The following CNTNAP2 variants were observed in gnomAD, a reference collection of about 807,000 sequenced individuals.
CNTNAP2 encodes contactin associated protein 2.
In CNTNAP2, 98 loss-of-function variants were observed where a neutral mutation model predicts 155.2. The observed-to-expected ratio is 0.63, with a 90% CI of 0.54 to 0.75. The LOEUF (loss-of-function observed/expected upper bound fraction) is 0.75, where lower values mean the gene tolerates loss of function less well. Among genes scored for constraint, CNTNAP2 ranks in the 30% least tolerant of loss-of-function variants. The pLI, the probability that CNTNAP2 is intolerant of heterozygous loss-of-function variation, is 0.00. For missense variants in CNTNAP2, 1,727 were observed against 1,688.1 expected, an observed-to-expected ratio of 1.02 and a Z score of -0.40; for synonymous variants, 651 against 631.2, an observed-to-expected ratio of 1.03 and a Z score of -0.47.
At chr7:147,339,914 G>A (rs1795731665) in intron 9 of CNTNAP2, among the ~76,000 whole-genome samples, 1 of 152,136 alleles carries the variant, frequency 6.6e-6, no homozygotes, top group African/African-American at 2.4e-5. Context: ...AGCTTAGCTT[G>A]GAAGCTCTTG....
chr7:147,083,539 T>TAC (rs1554435209), intron 4 of CNTNAP2, among the ~76,000 whole-genome samples: 10 of 30,462 alleles, frequency 3.3e-4, no homozygotes, highest in East Asian at 3.2e-3. Flanking sequence ...TATATATACA[T>TAC]ATATATATAT....
At chr7:147,303,423 C>G (rs1794977861) in intron 9 of CNTNAP2, among the ~76,000 whole-genome samples, 1 of 152,214 alleles carries the variant, frequency 6.6e-6, no homozygotes, top group Non-Finnish European at 1.5e-5. Flanking sequence ...CTTGACACCT[C>G]TTACTTGTGG....
intron 4 of CNTNAP2, among the ~76,000 whole-genome samples, chr7:147,064,277 T>A (rs1396009309): frequency 6.6e-6 from 1 of 152,216 alleles, no homozygotes; most frequent in African/African-American, 2.4e-5. Flanking sequence ...TTAATTGATA[T>A]ATCAGAATTC....
At chr7:148,288,313 C>G (rs992122340) in intron 21 of CNTNAP2, among the ~76,000 whole-genome samples, 1 of 149,604 alleles carries the variant, frequency 6.7e-6, no homozygotes, top group African/African-American at 2.5e-5. Flanking sequence ...GTTGGCCAAG[C>G]TGGTCTCAAA....
At position 146,672,388 on chromosome 7, in the gene CNTNAP2, G is replaced by C. The variant is rs568018865; in HGVS notation, c.98-101883G>C. Among the ~76,000 whole-genome samples the C allele has an allele frequency of 6.6e-5, 10 of 152,272 alleles. No individual in the cohort carries two copies. The East Asian group carries it at 1.7e-3, about 26-fold the overall frequency. The stretch of plus-strand genomic sequence containing the variant: ...CATGTTATCTGTGAACAAAGACACA[G>C]CTCCAAGGGTGAGAACGGGAGCTTT... On this transcript the variant is annotated intron_variant, in intron 1 of 23. Transcript: ENST00000361727.
intron 14 of CNTNAP2, among the ~76,000 whole-genome samples, chr7:147,949,440 G>GTATATATATATATGTATA (rs1554453476): frequency 7.9e-6 from 1 of 127,366 alleles, no homozygotes; most frequent in Non-Finnish European, 1.7e-5. Context: ...TCAACTGTGT[G>GTATATATATATATGTATA]TATATATATA....
At chr7:148,277,634 G>C in intron 21 of CNTNAP2, among the ~76,000 whole-genome samples, 1 of 139,276 alleles carries the variant, frequency 7.2e-6, no homozygotes, top group East Asian at 2.2e-4. Context: ...TCTCCCCAGA[G>C]CCCCAGACTG....
At chr7:146,356,551 C>T (rs1044012581) in intron 1 of CNTNAP2, among the ~76,000 whole-genome samples, 1 of 152,112 alleles carries the variant, frequency 6.6e-6, no homozygotes, top group African/African-American at 2.4e-5. Context: ...AATCAATAAG[C>T]TAATGAACAT....
chr7:147,601,653 AT>A (rs1554410027), intron 12 of CNTNAP2, among the ~76,000 whole-genome samples: 4 of 77,210 alleles, frequency 5.2e-5, no homozygotes, highest in Non-Finnish European at 1.1e-4. Flanking sequence ...AAATATATAT[AT>A]ATATATATAT....
intron 1 of CNTNAP2, among the ~76,000 whole-genome samples, chr7:146,224,348 A>G (rs1486784667): frequency 6.6e-6 from 1 of 152,044 alleles, no homozygotes; most frequent in Non-Finnish European, 1.5e-5. Flanking sequence ...ATTGTAATAC[A>G]ATAGCGATTA....
chr7:146,466,767 A>C (rs1330456162), intron 1 of CNTNAP2, among the ~76,000 whole-genome samples: 7 of 152,344 alleles, frequency 4.6e-5, no homozygotes, highest in Middle Eastern at 6.8e-3. Context: ...TCTTCTGATC[A>C]GACCAATTGT....
chr7:146,750,533 A>G (rs1801885283), intron 1 of CNTNAP2, among the ~76,000 whole-genome samples: 1 of 152,130 alleles, frequency 6.6e-6, no homozygotes, highest in African/African-American at 2.4e-5. Flanking sequence ...TCCTTTAATA[A>G]AGATCAGATG....
chr7:147,750,719 T>A (rs1226770313), intron 13 of CNTNAP2, among the ~76,000 whole-genome samples: 1 of 152,202 alleles, frequency 6.6e-6, no homozygotes, highest in Non-Finnish European at 1.5e-5. Flanking sequence ...GAACCAGCAA[T>A]GAGCTTAGGC....
chr7:148,391,901 G>C (rs1441903567), intron 22 of CNTNAP2, among the ~76,000 whole-genome samples: 1 of 152,226 alleles, frequency 6.6e-6, no homozygotes, highest in Non-Finnish European at 1.5e-5. Context: ...AAAGGCGTTT[G>C]TGTTAAGCCT....
intron 1 of CNTNAP2, among the ~76,000 whole-genome samples, chr7:146,251,156 A>G (rs1270383819): frequency 6.6e-6 from 1 of 152,218 alleles, no homozygotes; most frequent in Non-Finnish European, 1.5e-5. Flanking sequence ...CACAAAACAT[A>G]ATCTTACACA....
chr7:147,984,641 GTCACTGAAAAACCAAC>G (rs1166022486), intron 15 of CNTNAP2, among the ~76,000 whole-genome samples: 1 of 151,986 alleles, frequency 6.6e-6, no homozygotes, highest in Non-Finnish European at 1.5e-5. Context: ...CCTGTGAAGG[GTCACTGAAAAACCAAC>G]TCACAAGGCA....
chr7:148,412,615 T>G (rs1297612914), intron 23 of CNTNAP2, among the ~76,000 whole-genome samples: 1 of 152,256 alleles, frequency 6.6e-6, no homozygotes, highest in Non-Finnish European at 1.5e-5. Flanking sequence ...TTCCTCAGAA[T>G]TGTCTACCTA....
intron 18 of CNTNAP2, among the ~76,000 whole-genome samples, chr7:148,182,503 T>A (rs1435844470): frequency 1.3e-5 from 2 of 152,212 alleles, no homozygotes; most frequent in Non-Finnish European, 2.9e-5. Flanking sequence ...AGCTCTGGCC[T>A]TAGCAACTGG....
chr7:146,566,181 T>C (rs1447602370), intron 1 of CNTNAP2, among the ~76,000 whole-genome samples: 2 of 152,198 alleles, frequency 1.3e-5, no homozygotes, highest in East Asian at 3.9e-4. Flanking sequence ...TTAGTCTTCC[T>C]TAAGATAGCA....
Sources: allele counts gnomAD v4.1 joint callset (sites outside exome capture counted in the v4.1 genomes callset), GRCh38; gene constraint gnomAD v4.1.1; transcripts MANE v1.5; gene names NCBI Gene and HGNC (gene_info 2026-07-23, HGNC 2026-07-21).